Variants in PPM1L observed in about 807,000 individuals in gnomAD.
PPM1L encodes the protein protein phosphatase, Mg2+/Mn2+ dependent 1L.
PPM1L carries 13 observed loss-of-function variants against 31.4 expected under a neutral mutation model. The ratio of observed to expected loss-of-function variants is 0.41; its 90% CI spans 0.27 to 0.66. The LOEUF (loss-of-function observed/expected upper bound fraction) is 0.66, where lower values mean the gene tolerates loss of function less well. Ranked by LOEUF, PPM1L falls within the 30% of genes least tolerant of loss-of-function variation. PPM1L has a pLI of 0.29. For synonymous variants in PPM1L, 184 were observed against 175.4 expected, an observed-to-expected ratio of 1.05 and a Z score of -0.39; for missense variants, 326 against 453.7, an observed-to-expected ratio of 0.72 and a Z score of 2.56.
chr3:161,057,874 A>C (rs1270385111), intron 2 of PPM1L, among the ~76,000 whole-genome samples: 1 of 151,848 alleles, frequency 6.6e-6, no homozygotes, highest in Non-Finnish European at 1.5e-5. Flanking sequence ...TTTAGAACCC[A>C]GGTTCCCATC....
intron 2 of PPM1L, among the ~76,000 whole-genome samples, chr3:160,985,307 C>T (rs993242771): frequency 3.3e-5 from 5 of 152,248 alleles, no homozygotes; most frequent in South Asian, 2.1e-4. Flanking sequence ...GACTCCACTG[C>T]GTAACCAAGA....
chr3:160,805,041 G>T (rs950077467), intron 1 of PPM1L, among the ~76,000 whole-genome samples: 3 of 152,200 alleles, frequency 2.0e-5, no homozygotes, highest in Non-Finnish European at 4.4e-5. Flanking sequence ...CTGCTGTCAG[G>T]CTGCCCTGCT....
intron 1 of PPM1L, among the ~76,000 whole-genome samples, chr3:160,812,106 G>A (rs1690441237): frequency 6.6e-6 from 1 of 152,170 alleles, no homozygotes; most frequent in African/African-American, 2.4e-5. Flanking sequence ...CGCCTTCCAT[G>A]CTCTTTAGCT....
At chr3:160,848,439 C>A (rs1158873830) in intron 1 of PPM1L, among the ~76,000 whole-genome samples, 1 of 152,160 alleles carries the variant, frequency 6.6e-6, no homozygotes, top group Non-Finnish European at 1.5e-5. Flanking sequence ...GTAACTTCTT[C>A]ATTTTTGAAG....
At chr3:160,852,004 G>A (rs1348779213) in intron 1 of PPM1L, among the ~76,000 whole-genome samples, 1 of 152,150 alleles carries the variant, frequency 6.6e-6, no homozygotes, top group East Asian at 1.9e-4. Context: ...CCTATGTTCT[G>A]TTTTATACAT....
chr3:160,812,096 C>T (rs533259119), intron 1 of PPM1L, among the ~76,000 whole-genome samples: 9 of 152,288 alleles, frequency 5.9e-5, no homozygotes, highest in Admixed American at 4.6e-4. Flanking sequence ...ACGATGTTAG[C>T]GCCTTCCATG....
chr3:160,850,791 T>C (rs2108112772), intron 1 of PPM1L, among the ~76,000 whole-genome samples: 1 of 152,114 alleles, frequency 6.6e-6, no homozygotes. Context: ...CAGCTCTCAA[T>C]CTGCAGCTCC....
chr3:160,970,121 G>A (rs1481993436), intron 2 of PPM1L, among the ~76,000 whole-genome samples: 1 of 152,120 alleles, frequency 6.6e-6, no homozygotes, highest in East Asian at 1.9e-4. Context: ...ATATACCACA[G>A]TTATTCTCAC....
chr3:160,775,691 T>C (rs1390054472), intron 1 of PPM1L, among the ~76,000 whole-genome samples: 1 of 152,208 alleles, frequency 6.6e-6, no homozygotes, highest in Admixed American at 6.5e-5. Context: ...AGCCTGCCAT[T>C]GAGAAGGTGG....
rs1227322450 is a variant in PPM1L, at chr3:160,763,994, A to G, written c.399+7287A>G. On this transcript the variant is annotated intron_variant, in intron 1 of 3. Coordinates refer to ENST00000498165, the MANE Select transcript of PPM1L (RefSeq NM_139245.4). ...TATATTTTAAAGTAAACTAATTTTAATATTATAAAAATAATATGACTCCAT... is the reference window on the plus strand; with the variant it reads ...TATATTTTAAAGTAAACTAATTTTAGTATTATAAAAATAATATGACTCCAT... Among the ~76,000 whole-genome samples, 7 of 152,364 alleles carry G rather than the reference A, an allele frequency of 4.6e-5. No individual in the cohort carries two copies. In the East Asian group the frequency reaches 1.3e-3, roughly 29 times the overall value.
At chr3:160,792,708 A>G (rs905027363) in intron 1 of PPM1L, among the ~76,000 whole-genome samples, 8 of 152,212 alleles carry the variant, frequency 5.3e-5, no homozygotes, top group Non-Finnish European at 8.8e-5. Context: ...CAGACTATCT[A>G]TGTTTCTGAC....
intron 2 of PPM1L, among the ~76,000 whole-genome samples, chr3:161,005,402 C>T (rs767082626): frequency 6.6e-6 from 1 of 152,096 alleles, no homozygotes; most frequent in Non-Finnish European, 1.5e-5. Context: ...TAACTATGAT[C>T]TCATAAAAAA....
At chr3:160,840,908 A>G (rs1713858342) in intron 1 of PPM1L, among the ~76,000 whole-genome samples, 1 of 152,148 alleles carries the variant, frequency 6.6e-6, no homozygotes, top group Admixed American at 6.5e-5. Context: ...TGGGTGACGG[A>G]GGATCTTCCT....
At chr3:160,949,446 A>G (rs867913776) in intron 1 of PPM1L, among the ~76,000 whole-genome samples, 2 of 152,208 alleles carry the variant, frequency 1.3e-5, no homozygotes, top group Admixed American at 6.5e-5. Context: ...CCTGTGGTAT[A>G]AAATAAGGTG....
At chr3:160,763,999 A>T (rs62272812) in intron 1 of PPM1L, among the ~76,000 whole-genome samples, 5,046 of 152,370 alleles carry the variant, frequency 0.033, 123 homozygotes, top group Middle Eastern at 0.12. Flanking sequence ...TTTTAATATT[A>T]TAAAAATAAT....
At position 160,945,029 on chromosome 3, in the gene PPM1L, C is replaced by CATGT. The variant is rs1559897609; in HGVS notation, c.400-16707_400-16706insATGT. ...TATATAACATATATATTATATATAA[C>CATGT]TATATATAACATATATATTATATAT... On this transcript the variant is annotated intron_variant, in intron 1 of 3. Transcript: ENST00000498165. Among the ~76,000 whole-genome samples, 7 of 39,768 alleles carry CATGT rather than the reference C, an allele frequency of 1.8e-4. 1 individual carries two copies. The highest frequency in any genetic ancestry group is 2.8e-4 in the African/African-American group (5 of 17,654). 26.1% of individuals were successfully genotyped at this position (39,768 alleles called of 152,430 possible). A position where few individuals can be genotyped will look rare whatever the true frequency, so the allele number is the denominator to read the frequency against.
Position 160,981,616 on chromosome 3 carries a change from G to T in PPM1L, c.574+19706G>T, listed in dbSNP as rs548126011. 2.0e-5 allele frequency among the ~76,000 whole-genome samples: 3 copies of T among 152,176 alleles called. No homozygotes were observed. The South Asian group carries it at 6.2e-4, about 32-fold the overall frequency. On this transcript the variant is annotated intron_variant, in intron 2 of 3. Coordinates refer to ENST00000498165, the MANE Select transcript of PPM1L (RefSeq NM_139245.4). ...GCAAGGGTATGAATACTAGGAGATG[G>T]AGATCATTGGGGGCCTCTTGGAGGC...
intron 1 of PPM1L, among the ~76,000 whole-genome samples, chr3:160,907,341 G>C (rs995028351): frequency 6.6e-5 from 10 of 152,154 alleles, no homozygotes; most frequent in African/African-American, 2.2e-4. Context: ...TCTGGTCTAC[G>C]TATTTTCTGT....
intron 2 of PPM1L, among the ~76,000 whole-genome samples, chr3:161,050,636 T>C (rs1186943233): frequency 2.6e-5 from 4 of 151,520 alleles, no homozygotes; most frequent in Non-Finnish European, 5.9e-5. Flanking sequence ...AGAAGTGTTT[T>C]ATTTTTTACT....
Sources: gnomAD v4.1 joint callset for allele counts (sites outside exome capture counted in the v4.1 genomes callset) on GRCh38, gnomAD v4.1.1 for gene constraint, MANE v1.5 for transcripts, NCBI Gene and HGNC (gene_info 2026-07-23, HGNC 2026-07-21) for gene names.